Variants in CRCP observed in about 807,000 individuals in gnomAD.
The protein encoded by CRCP is CGRP receptor component.
CRCP carries 18 observed loss-of-function variants against 18.5 expected under a neutral mutation model. The observed-to-expected ratio is 0.97, with a 90% CI of 0.67 to 1.44. CRCP has a LOEUF of 1.44. CRCP is among the 40% of genes most tolerant of loss of function. The pLI, the probability that CRCP is intolerant of heterozygous loss-of-function variation, is 0.00. For missense variants in CRCP, 130 were observed against 176.4 expected (o/e 0.74, Z 1.49); for synonymous variants, 53 against 62.9 (o/e 0.84, Z 0.75).
At chr7:66,115,869 TG>T (rs1279567246) in intron 1 of CRCP, among the ~76,000 whole-genome samples, 1 of 152,220 alleles carries the variant, frequency 6.6e-6, no homozygotes, top group Non-Finnish European at 1.5e-5. Context: ...GGTGTAATCA[TG>T]GTTCACTGCA....
chr7:66,133,456 C>G (rs1403730050), intron 3 of CRCP, among the ~76,000 whole-genome samples: 1 of 149,364 alleles, frequency 6.7e-6, no homozygotes, highest in African/African-American at 2.4e-5. Flanking sequence ...TGCAGTGAGC[C>G]GAGATCGTGC....
chr7:66,129,110 G>A (rs1787707652), intron 2 of CRCP, among the ~76,000 whole-genome samples: 1 of 152,080 alleles, frequency 6.6e-6, no homozygotes, highest in South Asian at 2.1e-4. Flanking sequence ...GAGGCGGGCG[G>A]ATCACGAGGT....
chr7:66,125,533 T>A (rs1318918452), intron 1 of CRCP, among the ~76,000 whole-genome samples: 1 of 149,500 alleles, frequency 6.7e-6, no homozygotes, highest in Non-Finnish European at 1.5e-5. Context: ...ACAGAGTACC[T>A]GTGTAAACAT....
At chr7:66,126,305 C>T (rs180805915) in intron 1 of CRCP, among the ~76,000 whole-genome samples, 3 of 149,164 alleles carry the variant, frequency 2.0e-5, no homozygotes, top group Non-Finnish European at 4.5e-5. Flanking sequence ...CTTGGGTCAT[C>T]ATTTGGATCA....
chr7:66,131,792 A>T (rs1787812440), intron 3 of CRCP, among the ~76,000 whole-genome samples: 1 of 148,896 alleles, frequency 6.7e-6, no homozygotes. Flanking sequence ...TTTGAGACGG[A>T]TTCTCGCTCC....
At chr7:66,140,976 T>C (rs1482399957) in intron 4 of CRCP, among the ~76,000 whole-genome samples, 1 of 152,222 alleles carries the variant, frequency 6.6e-6, no homozygotes, top group Non-Finnish European at 1.5e-5. Context: ...GGATTGATCT[T>C]AGCTCCCTTT....
chr7:66,114,939 C>G lies in CRCP; in HGVS notation c.-24C>G. On this transcript the variant is annotated 5_prime_UTR_variant, in exon 1 of 6. Coordinates refer to ENST00000395326, the MANE Select transcript of CRCP (RefSeq NM_014478.5). The stretch of plus-strand genomic sequence containing the variant: ...TGTGAGGTTCTTTGTCTGCTGGCAG[C>G]TAGGGGCGACGAGGCGGGACGTCAT... 1.2e-6 allele frequency: 2 copies of G among 1,611,930 alleles called. No homozygotes were observed. The highest frequency in any genetic ancestry group is 1.7e-6 in the Non-Finnish European group (2 of 1,178,380).
At chr7:66,134,542 A>AAT in intron 4 of CRCP, 168 bp downstream of exon 4, 1 of 390,746 alleles carries the variant, frequency 2.6e-6, no homozygotes, top group Non-Finnish European at 4.2e-6. Flanking sequence ...GTAAGGAACA[A>AAT]ATCTTTTTTT....
At chr7:66,149,978 T>G (rs1788408486) in intron 5 of CRCP, among the ~76,000 whole-genome samples, 1 of 152,078 alleles carries the variant, frequency 6.6e-6, no homozygotes, top group African/African-American at 2.4e-5. Flanking sequence ...AGCTAATTTT[T>G]TGTATTTTTA....
chr7:66,122,098 G>A (rs1241389744), intron 1 of CRCP, among the ~76,000 whole-genome samples: 1 of 152,056 alleles, frequency 6.6e-6, no homozygotes, highest in Non-Finnish European at 1.5e-5. Flanking sequence ...CTGTTTGGCC[G>A]GGCACAGTGG....
intron 3 of CRCP, among the ~76,000 whole-genome samples, chr7:66,133,161 C>G (rs891154720): frequency 6.6e-6 from 1 of 152,050 alleles, no homozygotes; most frequent in African/African-American, 2.4e-5. Context: ...GTGGGTCTTT[C>G]CTGCAGTAGT....
chr7:66,132,160 C>T (rs1191183610), intron 3 of CRCP, among the ~76,000 whole-genome samples: 3 of 152,182 alleles, frequency 2.0e-5, no homozygotes, highest in Non-Finnish European at 4.4e-5. Flanking sequence ...AACCATGGTA[C>T]AGTGATCAAA....
intron 4 of CRCP, among the ~76,000 whole-genome samples, chr7:66,140,472 T>G (rs891647455): frequency 6.6e-6 from 1 of 151,600 alleles, no homozygotes; most frequent in Admixed American, 6.6e-5. Context: ...CTCAGCTCAC[T>G]GCAACTGCCG....
chr7:66,135,782 G>A (rs1258458226), intron 4 of CRCP, among the ~76,000 whole-genome samples: 1 of 152,140 alleles, frequency 6.6e-6, no homozygotes, highest in Non-Finnish European at 1.5e-5. Context: ...TTAGCTGGGC[G>A]TGCTGGCACA....
Position 66,124,901 on chromosome 7 carries a change from C to G in CRCP, c.9-2803C>G, listed in dbSNP as rs183286058. 2.2e-3 allele frequency among the ~76,000 whole-genome samples: 327 copies of G among 149,334 alleles called. 4 individuals carry two copies. The highest frequency in any genetic ancestry group is 7.7e-3 in the African/African-American group (320 of 41,382). On this transcript the variant is annotated intron_variant, in intron 1 of 5. Coordinates refer to ENST00000395326, the MANE Select transcript of CRCP (RefSeq NM_014478.5). ...ATGTAAACTCACATTTCTTCAGTTG[C>G]CATAATAGTGTTCTTTTTCCTCCCA...
chr7:66,133,853 G>GT (rs1787886001), intron 3 of CRCP, among the ~76,000 whole-genome samples: 1 of 123,594 alleles, frequency 8.1e-6, no homozygotes, highest in Non-Finnish European at 1.7e-5. Flanking sequence ...TTTCTTTTTT[G>GT]TTTTCTTTTT....
chr7:66,123,135 T>C (rs902822751), intron 1 of CRCP, among the ~76,000 whole-genome samples: 1 of 151,902 alleles, frequency 6.6e-6, no homozygotes, highest in African/African-American at 2.4e-5. Context: ...TTTGTATTTT[T>C]AGTAGAGACG....
intron 4 of CRCP, among the ~76,000 whole-genome samples, chr7:66,145,156 C>CA (rs200478059): frequency 2.7e-5 from 4 of 149,928 alleles, no homozygotes; most frequent in East Asian, 2.0e-4. Flanking sequence ...AACTCTGTCT[C>CA]AAAAAAAAAG....
chr7:66,132,501 G>A (rs946211953), intron 3 of CRCP, among the ~76,000 whole-genome samples: 2 of 152,170 alleles, frequency 1.3e-5, no homozygotes, highest in African/African-American at 2.4e-5. Context: ...CCTGATTTCT[G>A]GGGGTACATG....
Sources: gnomAD v4.1 joint callset for allele counts (sites outside exome capture counted in the v4.1 genomes callset) on GRCh38, gnomAD v4.1.1 for gene constraint, MANE v1.5 for transcripts, NCBI Gene and HGNC (gene_info 2026-07-23, HGNC 2026-07-21) for gene names.